DSCAM: variants seen among roughly 807,000 people sequenced by gnomAD.
DSCAM encodes the protein cell adhesion molecule DSCAM.
In DSCAM, 47 loss-of-function variants were observed where a neutral mutation model predicts 217.7. The observed-to-expected ratio is 0.22, with a 90% confidence interval of 0.17 to 0.28. DSCAM has a LOEUF of 0.28. Among genes scored for constraint, DSCAM ranks in the 10% least tolerant of loss-of-function variants. The pLI is 1.00. For missense variants in DSCAM, 2,080 were observed against 2,618.3 expected (o/e 0.79, Z 4.49); for synonymous variants, 1,056 against 1,015.3 (o/e 1.04, Z -0.76).
chr21:40,488,005 C>A (rs934427161), intron 3 of DSCAM, among the ~76,000 whole-genome samples: 1 of 152,220 alleles, frequency 6.6e-6, no homozygotes, highest in East Asian at 1.9e-4. Flanking sequence ...TATGAAAACA[C>A]AGGCACTGGT....
At chr21:40,686,964 T>C (rs1325022528) in intron 3 of DSCAM, among the ~76,000 whole-genome samples, 1 of 152,226 alleles carries the variant, frequency 6.6e-6, no homozygotes, top group Non-Finnish European at 1.5e-5. Context: ...TCTTCCTATT[T>C]CTCAGTTAAT....
intron 19 of DSCAM, among the ~76,000 whole-genome samples, chr21:40,126,635 G>A (rs2090096723): frequency 6.6e-6 from 1 of 152,232 alleles, no homozygotes; most frequent in African/African-American, 2.4e-5. Context: ...ATATTTATAT[G>A]TTTTAAGTTA....
chr21:40,442,991 G>C (rs4816683), intron 3 of DSCAM, among the ~76,000 whole-genome samples: 104,702 of 152,006 alleles, frequency 0.69, 36,504 homozygotes, highest in Middle Eastern at 0.81. Flanking sequence ...GAGTATAACT[G>C]TTCTTGTTAT....
intron 3 of DSCAM, among the ~76,000 whole-genome samples, chr21:40,370,425 T>C (rs2074883819): frequency 6.6e-6 from 1 of 152,150 alleles, no homozygotes; most frequent in African/African-American, 2.4e-5. Flanking sequence ...AAATGCCAAA[T>C]AATCAACTTT....
chr21:40,135,171 T>C (rs773835822), intron 18 of DSCAM, among the ~76,000 whole-genome samples: 5 of 152,182 alleles, frequency 3.3e-5, no homozygotes, highest in South Asian at 2.1e-4. Context: ...CAGCGACACA[T>C]TGGTACCCAG....
intron 1 of DSCAM, among the ~76,000 whole-genome samples, chr21:40,805,662 C>T (rs760687856): frequency 6.6e-6 from 1 of 151,864 alleles, no homozygotes; most frequent in Non-Finnish European, 1.5e-5. Flanking sequence ...ACACTCAGCC[C>T]ATACCATAGT....
intron 3 of DSCAM, among the ~76,000 whole-genome samples, chr21:40,447,332 G>A (rs2075683295): frequency 6.6e-6 from 1 of 152,060 alleles, no homozygotes; most frequent in African/African-American, 2.4e-5. Context: ...GGTTGTAAAA[G>A]GTCTAGGATA....
intron 8 of DSCAM, among the ~76,000 whole-genome samples, chr21:40,334,121 C>G (rs1000743140): frequency 3.3e-5 from 5 of 152,130 alleles, no homozygotes; most frequent in Middle Eastern, 3.2e-3. Context: ...AAGTTAAAAT[C>G]TGCGGTGTAG....
chr21:40,733,441 G>A (rs1654055801), intron 1 of DSCAM, among the ~76,000 whole-genome samples: 1 of 152,182 alleles, frequency 6.6e-6, no homozygotes, highest in African/African-American at 2.4e-5. Context: ...AGATACTGTT[G>A]ATTGTCATGA....
chr21:40,528,889 G>A (rs934202894), intron 3 of DSCAM, among the ~76,000 whole-genome samples: 1 of 135,348 alleles, frequency 7.4e-6, no homozygotes, highest in African/African-American at 3.1e-5. Context: ...GCAATGTCCA[G>A]GCTTTCCACT....
chr21:40,184,779 CT>C lies in DSCAM; in HGVS notation c.2779+2351del, dbSNP rs572466901. Among the ~76,000 whole-genome samples the C allele has an allele frequency of 3.5e-3, 526 of 152,108 alleles. 4 individuals are homozygous for C. Among genetic ancestry groups the C allele is most frequent in the African/African-American group, 0.012 (498 of 41,472 alleles). On this transcript the variant is annotated intron_variant, in intron 14 of 32. Transcript: ENST00000400454. ...GGACACAGAGAACCAGAGTCCCTGC[CT>C]TTGGGAAACTCCTGGGTAAGAGTAG... is the stretch of plus-strand genomic sequence containing the variant.
rs1014776133 is a variant in DSCAM at position 40,149,599 on chromosome 21, C to T, written c.3019-4868G>A. On this transcript the variant is annotated intron_variant, in intron 16 of 32. Coordinates refer to ENST00000400454, the MANE Select transcript of DSCAM (RefSeq NM_001389.5). ...CCAACACCAACACCACTGTCACCAC[C>T]ACCATCCATCGCTCCATCACTATCC... Among the ~76,000 whole-genome samples, 2 of 142,500 alleles carry T rather than the reference C, an allele frequency of 1.4e-5. 1 individual carries two copies. Among genetic ancestry groups the T allele is most frequent in the Non-Finnish European group, 3.1e-5 (2 of 65,566 alleles). 93.5% of individuals were successfully genotyped at this position (142,500 alleles called of 152,430 possible).
intron 3 of DSCAM, among the ~76,000 whole-genome samples, chr21:40,449,392 T>A (rs1413354873): frequency 2.6e-5 from 4 of 152,196 alleles, no homozygotes; most frequent in Non-Finnish European, 5.9e-5. Flanking sequence ...CTGTAAGAGC[T>A]GTACATCCCA....
At chr21:40,409,387 G>A (rs908720424) in intron 3 of DSCAM, among the ~76,000 whole-genome samples, 2 of 152,284 alleles carry the variant, frequency 1.3e-5, no homozygotes, top group Admixed American at 6.5e-5. Flanking sequence ...TAAGGAAAGC[G>A]AACAAAGTGA....
In DSCAM at chr21:40,133,834, A is replaced by G; in HGVS notation, c.3562+20T>C. On this transcript the variant is annotated intron_variant, in intron 19 of 32. Coordinates refer to ENST00000400454, the MANE Select transcript of DSCAM (RefSeq NM_001389.5). ...GCCCTTCCAGCAACTGCTGGGACCC[A>G]CCGCCCACCCGTCTCTCACCATCCT... is the stretch of plus-strand genomic sequence containing the variant. 5.1e-6 allele frequency: 8 copies of G among 1,582,148 alleles called. No individual in the cohort carries two copies. The highest frequency in any genetic ancestry group is 6.9e-6 in the Non-Finnish European group (8 of 1,163,942).
At chr21:40,421,797 C>T (rs2075427056) in intron 3 of DSCAM, among the ~76,000 whole-genome samples, 1 of 152,216 alleles carries the variant, frequency 6.6e-6, no homozygotes, top group Admixed American at 6.5e-5. Flanking sequence ...ATGACTTTCT[C>T]TCTGACAGTG....
At chr21:40,211,193 G>A (rs1304416482) in intron 11 of DSCAM, among the ~76,000 whole-genome samples, 3 of 152,174 alleles carry the variant, frequency 2.0e-5, no homozygotes, top group Non-Finnish European at 2.9e-5. Flanking sequence ...TGTGTCAACA[G>A]TTCATTTCTT....
intron 25 of DSCAM, among the ~76,000 whole-genome samples, chr21:40,079,400 G>T (rs1478160257): frequency 1.3e-5 from 2 of 152,158 alleles, no homozygotes; most frequent in East Asian, 3.9e-4. Flanking sequence ...TGGTCTTGGT[G>T]CCCAGGGACC....
intron 3 of DSCAM, among the ~76,000 whole-genome samples, chr21:40,536,612 T>C (rs562342761): frequency 6.2e-4 from 95 of 152,236 alleles, no homozygotes; most frequent in African/African-American, 2.2e-3. Flanking sequence ...TTCACCATGT[T>C]AGCCAGGATG....
Sources: allele counts gnomAD v4.1 joint callset (sites outside exome capture counted in the v4.1 genomes callset), GRCh38; gene constraint gnomAD v4.1.1; transcripts MANE v1.5; gene names NCBI Gene and HGNC (gene_info 2026-07-23, HGNC 2026-07-21).